RAX: variants seen among roughly 807,000 people sequenced by gnomAD.
RAX encodes the protein retina and anterior neural fold homeobox, also known as retinal homeobox protein Rx.
In RAX, 11 loss-of-function variants were observed where a neutral mutation model predicts 17.4. The ratio of observed to expected loss-of-function variants is 0.63; its 90% CI spans 0.40 to 1.05. The LOEUF (loss-of-function observed/expected upper bound fraction) is 1.05, where lower values mean the gene tolerates loss of function less well. RAX is among the 50% of genes least tolerant of loss of function. The probability of loss-of-function intolerance (pLI) is 0.00; values close to 1 mark genes in which losing one functional copy is unlikely to be tolerated. For synonymous variants in RAX, 276 were observed against 254.7 expected (o/e 1.08, Z -0.80); for missense variants, 527 against 501.1 (o/e 1.05, Z -0.49).
chr18:59,271,261 G>T (rs2070336099), intron 2 of RAX, among the ~76,000 whole-genome samples: 2 of 152,194 alleles, frequency 1.3e-5, no homozygotes, highest in African/African-American at 4.8e-5. Flanking sequence ...CTTGGATTCT[G>T]TAGGGTACTG....
chr18:59,273,353 G>A lies in RAX; in HGVS notation c.-147C>T, dbSNP rs1036478110. On this transcript the variant is annotated 5_prime_UTR_variant, in exon 1 of 3. Transcript: ENST00000334889. ...AAGCCCGCCCGGGCTGCGCACGCTGGGGGTGGCCGAGCGCTCAGCCCGCTG... is the reference window on the plus strand; with the variant it reads ...AAGCCCGCCCGGGCTGCGCACGCTGAGGGTGGCCGAGCGCTCAGCCCGCTG... The A allele has an allele frequency of 2.3e-6, 2 of 886,210 alleles. No homozygotes were observed. Among genetic ancestry groups the A allele is most frequent in the African/African-American group, 1.8e-5 (1 of 55,462 alleles). 54.9% of individuals were successfully genotyped at this position (886,210 alleles called of 1,614,324 possible).
At position 59,273,331 on chromosome 18, in the gene RAX, C is replaced by G; in HGVS notation, c.-125G>C. 9.5e-7 allele frequency: 1 copy of G among 1,053,448 alleles called. No homozygotes were observed. The highest frequency in any genetic ancestry group is 1.3e-6 in the Non-Finnish European group (1 of 768,054). The allele number at this position is 1,053,448 out of a possible 1,614,324, so 65.3% of individuals were successfully genotyped here. The stretch of plus-strand genomic sequence containing the variant: ...CCTAGGTCAAGCTCCGCGGGCGAAG[C>G]CCGCCCGGGCTGCGCACGCTGGGGG... On this transcript the variant is annotated 5_prime_UTR_variant, in exon 1 of 3. Coordinates refer to ENST00000334889, the MANE Select transcript of RAX (RefSeq NM_013435.3).
chr18:59,272,314 G>A (rs1365076276), intron 2 of RAX, 47 bp downstream of exon 2: 6 of 1,613,522 alleles, frequency 3.7e-6, no homozygotes, highest in Non-Finnish European at 5.1e-6. Context: ...CTGCAATTTG[G>A]GCCTCGGGCC....
Position 59,268,923 on chromosome 18 carries a change from AG to A in RAX, c.*80del, listed in dbSNP as rs1603388712. On this transcript the variant is annotated 3_prime_UTR_variant, in exon 3 of 3. Coordinates refer to ENST00000334889, the MANE Select transcript of RAX (RefSeq NM_013435.3). The surrounding 1 kb of genome is among the most constrained non-coding windows in gnomAD (Gnocchi z 4.4). ...CAGGGAAAGAGGGGCCGAGCTGGGG[AG>A]GGGGGTTGTCCCTGGGAGAGAGGAT... 6.2e-7 allele frequency: 1 copy of A among 1,605,072 alleles called. No homozygotes were observed. Among genetic ancestry groups the A allele is most frequent in the Non-Finnish European group, 8.5e-7 (1 of 1,174,722 alleles).
rs1167957972 is a variant in RAX, at chr18:59,272,292, G to A, written c.543+69C>T. The A allele has an allele frequency of 8.7e-6, 14 of 1,606,580 alleles. No individual in the cohort carries two copies. The South Asian group carries it at 1.5e-4, about 18-fold the overall frequency. Reference sequence around the variant, plus strand: ...AAATGCATGGACACCCGTGAATTCCGAGAAGCATTGGCTGCAATTTGGGCC... The same window carrying A: ...AAATGCATGGACACCCGTGAATTCCAAGAAGCATTGGCTGCAATTTGGGCC... On this transcript the variant is annotated intron_variant, in intron 2 of 2. Transcript: ENST00000334889.
At position 59,272,362 on chromosome 18, in the gene RAX, T is replaced by C. The variant is rs2070344505; in HGVS notation, c.542A>G (p.Gln181Arg). The C allele has an allele frequency of 6.2e-7, 1 of 1,614,088 alleles. No individual in the cohort carries two copies. Among genetic ancestry groups the C allele is most frequent in the Non-Finnish European group, 8.5e-7 (1 of 1,180,052 alleles). Residue 181 changes from glutamine to arginine, a missense_variant and splice_region_variant, in exon 2 of 3, where the codon CAG (glutamine) becomes CGG (arginine). Physicochemically the swap from Gln to Arg is conservative, Grantham distance 43 (BLOSUM62 1). Coordinates refer to ENST00000334889, the MANE Select transcript of RAX (RefSeq NM_013435.3). ...AGTTCCTCAACCTGGGCGCTTTACC[T>C]GGACCCGGACCTCTGGTAGGTTGAC... ...GKVNLPEVRVQVWFQNRRAKW... is the reference protein window; with the variant it reads ...GKVNLPEVRVRVWFQNRRAKW...
chr18:59,270,189 G>A (rs1486702232), intron 2 of RAX, among the ~76,000 whole-genome samples: 1 of 152,218 alleles, frequency 6.6e-6, no homozygotes, highest in Non-Finnish European at 1.5e-5. Flanking sequence ...ATAGGAGCAA[G>A]TGGGGTTTAT....
chr18:59,272,952 C>A lies in RAX; in HGVS notation c.255G>T (p.Pro85=). Residue 85 remains proline (P), a synonymous_variant, in exon 1 of 3, where the codon CCG becomes CCT. Coordinates refer to ENST00000334889, the MANE Select transcript of RAX (RefSeq NM_013435.3). The part of the protein sequence containing the change: ...KAPEEGSEPS[P]PPAPAPAPEY... ...CGGGGGCGGGCGCCGGGGCTGGCGG[C>A]GGGGAGGGCTCGGAGCCTTCCTCGG... The A allele has an allele frequency of 6.8e-7, 1 of 1,466,764 alleles. No homozygotes were observed. Among genetic ancestry groups the A allele is most frequent in the Non-Finnish European group, 8.9e-7 (1 of 1,124,678 alleles). The allele number at this position is 1,466,764 out of a possible 1,614,324, so 90.9% of individuals were successfully genotyped here. A position where few individuals can be genotyped will look rare whatever the true frequency, so the allele number is the denominator to read the frequency against.
intron 1 of RAX, 61 bp downstream of exon 1, chr18:59,272,857 C>T (rs971198967): frequency 7.4e-6 from 11 of 1,489,582 alleles, no homozygotes; most frequent in Admixed American, 4.7e-5. Context: ...GCGCTCTCGT[C>T]TGGCCAACTC....
intron 2 of RAX, among the ~76,000 whole-genome samples, chr18:59,269,738 C>CTCTCTT (rs1489118236): frequency 1.6e-5 from 1 of 64,094 alleles, no homozygotes. Flanking sequence ...CTCTCTCTCT[C>CTCTCTT]TTTTTTTTTT....
In RAX at chr18:59,269,295, C is replaced by T. The variant is rs1487028248; in HGVS notation, c.750G>A (p.Pro250=). ...PLESWLGPPL[P]GGGATALQSL... is the part of the protein sequence containing the mutation. Reference sequence around the variant, plus strand: ...TCTGCAGCGCCGTGGCGCCCCCGCCCGGCAGCGGCGGCCCGAGCCAGGACT... The same window carrying T: ...TCTGCAGCGCCGTGGCGCCCCCGCCTGGCAGCGGCGGCCCGAGCCAGGACT... The change falls in exon 3 of 3, where the codon CCG becomes CCA. Residue 250 remains proline, a synonymous_variant. Coordinates refer to ENST00000334889, the MANE Select transcript of RAX (RefSeq NM_013435.3). 7.0e-6 allele frequency: 9 copies of T among 1,287,522 alleles called. No homozygotes were observed. Among genetic ancestry groups the T allele is most frequent in the South Asian group, 5.0e-5 (2 of 39,974 alleles). 79.8% of individuals were successfully genotyped at this position (1,287,522 alleles called of 1,614,324 possible). A position where few individuals can be genotyped will look rare whatever the true frequency, so the allele number is the denominator to read the frequency against.
rs2070347604 is a variant in RAX at position 59,272,584 on chromosome 18, C to T, written c.320G>A (p.Gly107Glu). 1.2e-6 allele frequency: 2 copies of T among 1,613,528 alleles called. No homozygotes were observed. Among genetic ancestry groups the T allele is most frequent in the East Asian group, 2.2e-5 (1 of 44,852 alleles). Reference sequence around the variant, plus strand: ...CAGCCCTGGGCTCGGCCGTGCCTCCCCGGGCTCCTTGGGGCAGTAGGGTCG... The same window carrying T: ...CAGCCCTGGGCTCGGCCGTGCCTCCTCGGGCTCCTTGGGGCAGTAGGGTCG... ...APRPYCPKEP[G>E]EARPSPGLPV... The change falls in exon 2 of 3, where the codon GGG (glycine) becomes GAG (glutamate). Residue 107 changes from glycine (G) to glutamate (E), a missense_variant. Coordinates refer to ENST00000334889, the MANE Select transcript of RAX (RefSeq NM_013435.3).
chr18:59,269,603 C>G (rs1191516182), intron 2 of RAX, 102 bp from the exon 3 acceptor site: 1 of 1,338,246 alleles, frequency 7.5e-7, no homozygotes, highest in Non-Finnish European at 1.0e-6. Flanking sequence ...CCGTCCCCCT[C>G]AAATAAAACT....
chr18:59,269,544 T>C (rs2070317145), intron 2 of RAX, 43 bp from the exon 3 acceptor site: 4 of 1,588,180 alleles, frequency 2.5e-6, no homozygotes, highest in South Asian at 1.1e-5. Context: ...CAGCGGAGGC[T>C]GCGGCCGCGT....
intron 2 of RAX, among the ~76,000 whole-genome samples, chr18:59,270,350 GACATTACCC>G (rs1345542716): frequency 9.9e-5 from 15 of 152,142 alleles, no homozygotes; most frequent in African/African-American, 3.6e-4. Context: ...AGTTAATTTT[GACATTACCC>G]TAAGACCTTA....
Position 59,269,159 on chromosome 18 carries a change from G to A in RAX, c.886C>T (p.Leu296Phe), listed in dbSNP as rs916435844. 5.1e-6 allele frequency: 8 copies of A among 1,578,204 alleles called. No homozygotes were observed. In the African/African-American group the frequency reaches 9.4e-5, roughly 19 times the overall value. The change falls in exon 3 of 3, where the codon CTC becomes TTC. Residue 296 changes from leucine (L) to phenylalanine (F), a missense_variant. Coordinates refer to ENST00000334889, the MANE Select transcript of RAX (RefSeq NM_013435.3). ...GGGTAGGAGGGCGGCGGCGGCGCGA[G>A]AGGTTGCAGGCCGGGGCCCAACGGC... ...SPPLGPGLQP[L>F]APPPPSYPCG...
Position 59,272,510 on chromosome 18 carries a change from G to A in RAX, c.394C>T (p.Pro132Ser). The change falls in exon 2 of 3, where the codon CCC (proline) becomes TCC (serine). Residue 132 changes from proline to serine, a missense_variant. By Grantham distance (74) the Pro-to-Ser change is moderately conservative (BLOSUM62 -1). Transcript: ENST00000334889. ...CGGTTCCGCCGATGCTTTTTCTTGGGCTGTTCCTCCTCTGACAGTTTCGCT... is the reference window on the plus strand; with the variant it reads ...CGGTTCCGCCGATGCTTTTTCTTGGACTGTTCCTCCTCTGACAGTTTCGCT... ...GEAKLSEEEQPKKKHRRNRTT... is the reference protein window; with the variant it reads ...GEAKLSEEEQSKKKHRRNRTT... 6.2e-7 allele frequency: 1 copy of A among 1,614,220 alleles called. No individual in the cohort carries two copies. Among genetic ancestry groups the A allele is most frequent in the African/African-American group, 1.3e-5 (1 of 75,072 alleles).
intron 1 of RAX, 136 bp from the exon 2 acceptor site, chr18:59,272,750 A>G: frequency 7.2e-7 from 1 of 1,382,870 alleles, no homozygotes; most frequent in Non-Finnish European, 9.5e-7. Context: ...GAGGGCGGCG[A>G]TGGGTCCTAA....
In RAX at chr18:59,272,899, G is replaced by C; in HGVS notation, c.289+19C>G. On this transcript the variant is annotated intron_variant, in intron 1 of 2. Transcript: ENST00000334889. ...TCGGGCGCCCGAACGGCCTCGCACA[G>C]CCAGGGGTGCGCACTCACCTTCGTA... The C allele has an allele frequency of 6.7e-7, 1 of 1,493,572 alleles. No individual in the cohort carries two copies. Among genetic ancestry groups the C allele is most frequent in the Non-Finnish European group, 8.8e-7 (1 of 1,138,194 alleles). The allele number at this position is 1,493,572 out of a possible 1,614,324, so 92.5% of individuals were successfully genotyped here.
Sources: allele counts gnomAD v4.1 joint callset (sites outside exome capture counted in the v4.1 genomes callset), GRCh38; gene constraint gnomAD v4.1.1; non-coding constraint Gnocchi (gnomAD v3.1); transcripts MANE v1.5; gene names NCBI Gene and HGNC (gene_info 2026-07-23, HGNC 2026-07-21).